Variants in MROH1 observed in about 807,000 individuals in gnomAD.
The protein encoded by MROH1 is maestro heat-like repeat-containing protein family member 1.
A neutral mutation model predicts 116.5 loss-of-function variants in MROH1; 117 were observed. The ratio of observed to expected loss-of-function variants is 1.00; its 90% CI spans 0.86 to 1.17. The LOEUF is 1.17. Ranked by LOEUF, MROH1 falls within the 50% of genes most tolerant of loss-of-function variation. The pLI is 0.00. For synonymous variants in MROH1, 921 were observed against 583.9 expected, an observed-to-expected ratio of 1.58 and a Z score of -8.32; for missense variants, 1,873 against 1,338.5, an observed-to-expected ratio of 1.40 and a Z score of -6.23.
chr8:144,180,483 C>T lies in MROH1; in HGVS notation c.522C>T (p.Gly174=), dbSNP rs899493354. The change falls in exon 7 of 44, where the codon GGC becomes GGT. Residue 174 remains glycine (G), a synonymous_variant. Transcript: ENST00000326134. The surrounding 1 kb of genome is among the most constrained non-coding windows in gnomAD (Gnocchi z 7.4). ...TGAGCTCCCTGCTGCCCGTGCTGGG[C>T]GTGGCCAAGCAGGACACGGTGCGCG... is the stretch of plus-strand genomic sequence containing the variant. ...SVLSSLLPVL[G]VAKQDTVRVA... is the part of the protein sequence containing the mutation. 6 of 1,612,120 alleles carry T rather than the reference C, an allele frequency of 3.7e-6. No individual in the cohort carries two copies. The African/African-American group carries it at 5.3e-5, about 14-fold the overall frequency.
chr8:144,238,883 C>T lies in MROH1; in HGVS notation c.1446+20C>T. 1.3e-6 allele frequency: 1 copy of T among 771,252 alleles called. No homozygotes were observed. Among genetic ancestry groups the T allele is most frequent in the Middle Eastern group, 2.6e-4 (1 of 3,914 alleles). The allele number at this position is 771,252 out of a possible 1,614,324, so 47.8% of individuals were successfully genotyped here. On this transcript the variant is annotated intron_variant, in intron 15 of 43. Transcript: ENST00000326134. ...AGTCACGTGAGTGCACGGCACCCGT[C>T]CCTGCCTGGCGACAACAGAGCTCTC...
chr8:144,185,590 G>C (rs1387424701), intron 7 of MROH1, among the ~76,000 whole-genome samples: 1 of 119,684 alleles, frequency 8.4e-6, no homozygotes. Flanking sequence ...GGGGCCTTGA[G>C]GGGATGTGAG....
chr8:144,219,312 G>A lies in MROH1; in HGVS notation c.1142-1288G>A, dbSNP rs139851864. On this transcript the variant is annotated intron_variant, in intron 12 of 43. Transcript: ENST00000326134. The stretch of plus-strand genomic sequence containing the variant: ...GCTGGGATTACAGGCGTGAGCCACC[G>A]CGCCCGACCAATTTTTGTATTTTTT... Among the ~76,000 whole-genome samples the A allele has an allele frequency of 4.9e-3, 743 of 152,070 alleles. 10 individuals are homozygous for A. The highest frequency in any genetic ancestry group is 0.017 in the African/African-American group (721 of 41,478).
At position 144,191,882 on chromosome 8, in the gene MROH1, G is replaced by C. The variant is rs760891362; in HGVS notation, c.855+27G>C. 6 of 1,611,956 alleles carry C rather than the reference G, an allele frequency of 3.7e-6. No individual in the cohort carries two copies. In the African/African-American group the frequency reaches 6.7e-5, roughly 18 times the overall value. On this transcript the variant is annotated intron_variant, in intron 9 of 43. Transcript: ENST00000326134. ...TATCTGCAGGCAGGGCAGGTCTACT[G>C]TCCCCGAGGACCCCTCCAATCAGAC...
Position 144,245,255 on chromosome 8 carries a change from G to A in MROH1, c.2866G>A (p.Val956Ile). Residue 956 changes from valine (V) to isoleucine (I), a missense_variant, in exon 29 of 44, where the codon GTC becomes ATC. By Grantham distance (29) the Val-to-Ile change is conservative (BLOSUM62 3). Coordinates refer to ENST00000326134, the MANE Select transcript of MROH1 (RefSeq NM_032450.3). ...LLRYFLEHLR[V>I]SALVPFHNLG... is the part of the protein sequence containing the mutation. ...GCGCTACTTCCTGGAGCACCTGCGT[G>A]TCAGCGTGAGTACCTGGGTCCCTGG... is the stretch of plus-strand genomic sequence containing the variant. The A allele has an allele frequency of 1.3e-6, 1 of 777,482 alleles. No individual in the cohort carries two copies. The allele number at this position is 777,482 out of a possible 1,614,324, so 48.2% of individuals were successfully genotyped here.
In MROH1 at chr8:144,249,459, C is replaced by T. The variant is rs891059316; in HGVS notation, c.3273+430C>T. 2.0e-5 allele frequency among the ~76,000 whole-genome samples: 3 copies of T among 152,228 alleles called. No homozygotes were observed. The Middle Eastern group carries it at 0.01, about 518-fold the overall frequency. Reference sequence around the variant, plus strand: ...AACATGGTGGTATTTTCCAGCTGTGCAGTAAGCATTTGGCAGTAGGGGTCA... The same window carrying T: ...AACATGGTGGTATTTTCCAGCTGTGTAGTAAGCATTTGGCAGTAGGGGTCA... On this transcript the variant is annotated intron_variant, in intron 32 of 43. Coordinates refer to ENST00000326134, the MANE Select transcript of MROH1 (RefSeq NM_032450.3).
intron 4 of MROH1, 66 bp downstream of exon 4, chr8:144,168,506 G>T: frequency 1.3e-6 from 2 of 1,536,128 alleles, no homozygotes. Flanking sequence ...TACTTGGTTT[G>T]GGAAGAGACA....
chr8:144,244,531 A>G lies in MROH1; in HGVS notation c.2758A>G (p.Met920Val). 1 of 764,734 alleles carries G rather than the reference A, an allele frequency of 1.3e-6. No homozygotes were observed. Among genetic ancestry groups the G allele is most frequent in the South Asian group, 1.4e-5 (1 of 71,668 alleles). 47.4% of individuals were successfully genotyped at this position (764,734 alleles called of 1,614,324 possible). A position where few individuals can be genotyped will look rare whatever the true frequency, so the allele number is the denominator to read the frequency against. ...RNMTPQGLQIMIEHLSPWIKS... is the reference protein window; with the variant it reads ...RNMTPQGLQIVIEHLSPWIKS... Reference sequence around the variant, plus strand: ...CATGACCCCCCAAGGCCTGCAGATCATGATTGAGGTGTGCAGGGGGGAACT... The same window carrying G: ...CATGACCCCCCAAGGCCTGCAGATCGTGATTGAGGTGTGCAGGGGGGAACT... The change falls in exon 28 of 44, where the codon ATG (methionine) becomes GTG (valine). Residue 920 changes from methionine to valine, a missense_variant. Transcript: ENST00000326134.
At position 144,241,530 on chromosome 8, in the gene MROH1, C is replaced by A; in HGVS notation, c.2178+13C>A. The A allele has an allele frequency of 2.6e-6, 2 of 778,182 alleles. No homozygotes were observed. 48.2% of individuals were successfully genotyped at this position (778,182 alleles called of 1,614,324 possible). On this transcript the variant is annotated intron_variant, in intron 22 of 43. Coordinates refer to ENST00000326134, the MANE Select transcript of MROH1 (RefSeq NM_032450.3). ...CAACATTTTTAAGGTTAGGGTGACACCGGTGCAGGGCTGGGGACGGCTGTC... is the reference window on the plus strand; with the variant it reads ...CAACATTTTTAAGGTTAGGGTGACAACGGTGCAGGGCTGGGGACGGCTGTC...
intron 3 of MROH1, 127 bp from the exon 4 acceptor site, chr8:144,168,168 G>A (rs926393556): frequency 3.1e-5 from 35 of 1,124,122 alleles, no homozygotes; most frequent in Admixed American, 2.1e-4. Flanking sequence ...AAGCAGCTGT[G>A]CCCTCTCCTG....
intron 11 of MROH1, 73 bp from the exon 12 acceptor site, chr8:144,200,355 G>A: frequency 8.2e-7 from 1 of 1,215,690 alleles, no homozygotes; most frequent in Non-Finnish European, 1.1e-6. Context: ...CCCTGTGCTG[G>A]AGAGTAGGTG....
intron 4 of MROH1, chr8:144,175,460 T>A: frequency 1.0e-6 from 1 of 982,550 alleles, no homozygotes; most frequent in African/African-American, 1.7e-5. Flanking sequence ...CAGACCAATT[T>A]ACACTGATTT....
At chr8:144,203,517 C>G (rs1356698232) in intron 12 of MROH1, among the ~76,000 whole-genome samples, 1 of 149,562 alleles carries the variant, frequency 6.7e-6, no homozygotes, top group Non-Finnish European at 1.5e-5. Context: ...AGTGCCTGCT[C>G]TCTGTGGAGT....
intron 12 of MROH1, among the ~76,000 whole-genome samples, chr8:144,216,097 T>G (rs191169513): frequency 2.2e-3 from 330 of 151,212 alleles, no homozygotes; most frequent in African/African-American, 7.7e-3. Context: ...GAGAATCACT[T>G]GAACCTGGGA....
intron 14 of MROH1, among the ~76,000 whole-genome samples, chr8:144,236,403 G>A (rs1211163185): frequency 3.3e-5 from 5 of 152,124 alleles, no homozygotes; most frequent in Non-Finnish European, 5.9e-5. Flanking sequence ...AGTTTGTAGG[G>A]AGATCTTTGG....
intron 10 of MROH1, among the ~76,000 whole-genome samples, chr8:144,194,742 A>G (rs149714762): frequency 1.0e-3 from 152 of 151,980 alleles, no homozygotes; most frequent in Middle Eastern, 3.4e-3. Flanking sequence ...GGGAGACCCC[A>G]TCTCTACAGA....
chr8:144,239,278 G>A (rs1840575841), intron 16 of MROH1, 45 bp from the exon 17 acceptor site: 2 of 778,758 alleles, frequency 2.6e-6, no homozygotes, highest in Non-Finnish European at 4.8e-6. Context: ...CCGCCCCAGG[G>A]CTACAGGCAG....
chr8:144,252,007 C>A, intron 33 of MROH1: 1 of 226,756 alleles, frequency 4.4e-6, no homozygotes, highest in Non-Finnish European at 8.8e-6. Flanking sequence ...GTGCTGCTGC[C>A]CATCCTTTCT....
At chr8:144,183,794 C>T (rs1261612857) in intron 7 of MROH1, among the ~76,000 whole-genome samples, 1 of 151,986 alleles carries the variant, frequency 6.6e-6, no homozygotes, top group Non-Finnish European at 1.5e-5. Flanking sequence ...ACTACAGGCG[C>T]CCACCACCAC....
Sources: allele counts gnomAD v4.1 joint callset (sites outside exome capture counted in the v4.1 genomes callset), GRCh38; gene constraint gnomAD v4.1.1; non-coding constraint Gnocchi (gnomAD v3.1); transcripts MANE v1.5; gene names NCBI Gene and HGNC (gene_info 2026-07-23, HGNC 2026-07-21).